MYL11: variants seen among roughly 807,000 people sequenced by gnomAD.
The protein encoded by MYL11 is myosin light chain 11, also known as myosin regulatory light chain 11.
At chr16:30,374,755 G>A in the MYL11 span, 2 of 1,465,098 alleles carry the variant, frequency 1.4e-6, no homozygotes, top group Non-Finnish European at 9.2e-7. Context: ...TATGTTAAGG[G>A]CTCCCTGGGG....
At chr16:30,375,821 C>T in the MYL11 span, 1 of 1,613,908 alleles carries the variant, frequency 6.2e-7, no homozygotes, top group African/African-American at 1.3e-5. Context: ...ACCCTCCAGG[C>T]ACCCAAGAGG....
the MYL11 span, among the ~76,000 whole-genome samples, chr16:30,372,621 A>G: frequency 1.3e-5 from 2 of 151,542 alleles, no homozygotes; most frequent in Non-Finnish European, 2.9e-5. Context: ...GCCACTGGCT[A>G]TCAAGGCACC....
the MYL11 span, among the ~76,000 whole-genome samples, chr16:30,372,128 C>T: frequency 2.4e-4 from 36 of 152,164 alleles, no homozygotes; most frequent in African/African-American, 8.7e-4. Context: ...AGCTCTCCTC[C>T]CATTCCCCTT....
the MYL11 span, among the ~76,000 whole-genome samples, chr16:30,373,633 G>T: frequency 4.0e-5 from 6 of 151,540 alleles, no homozygotes; most frequent in Admixed American, 6.6e-5. Flanking sequence ...ATGGTGGCGG[G>T]TGCCTGGAAT....
At chr16:30,377,700 G>A in the MYL11 span, 2 of 1,568,606 alleles carry the variant, frequency 1.3e-6, no homozygotes, top group East Asian at 2.3e-5. Context: ...CTCCCAGGAG[G>A]AGGTGAGTGG....
chr16:30,376,234 C>A, the MYL11 span: 1 of 1,612,838 alleles, frequency 6.2e-7, no homozygotes, highest in African/African-American at 1.3e-5. Context: ...AGCCCCCTAC[C>A]CCCAGGTGGG....
chr16:30,377,820 C>G, the MYL11 span: 1 of 1,614,110 alleles, frequency 6.2e-7, no homozygotes, highest in Non-Finnish European at 8.5e-7. Flanking sequence ...GGCGGCCTTC[C>G]CCCCCGACGT....
At chr16:30,374,830 G>T in the MYL11 span, 6 of 1,612,830 alleles carry the variant, frequency 3.7e-6, no homozygotes, top group Non-Finnish European at 5.1e-6. Context: ...AGCCGGAGCC[G>T]CTGCCTTGCC....
At chr16:30,376,544 G>C in the MYL11 span, 1 of 1,613,920 alleles carries the variant, frequency 6.2e-7, no homozygotes, top group Non-Finnish European at 8.5e-7. Context: ...GGAGTGTCCT[G>C]GGTCCAAGGC....
chr16:30,375,731 ACTCGAAGAATT>A, the MYL11 span: 1 of 1,085,352 alleles, frequency 9.2e-7, no homozygotes, highest in Non-Finnish European at 1.4e-6. Context: ...AGGAACAGGG[ACTCGAAGAATT>A]CTGACTCTTA....
chr16:30,374,314 A>T, the MYL11 span, among the ~76,000 whole-genome samples: 2 of 134,552 alleles, frequency 1.5e-5, no homozygotes, highest in African/African-American at 2.8e-5. Flanking sequence ...GAGACTGTCT[A>T]AAAAAAAAAA....
the MYL11 span, chr16:30,374,991 T>C: frequency 8.1e-7 from 1 of 1,235,562 alleles, no homozygotes. Context: ...TCGGCATCAC[T>C]GATGGAAAAC....
At chr16:30,376,676 A>G in the MYL11 span, 1 of 1,613,988 alleles carries the variant, frequency 6.2e-7, no homozygotes, top group South Asian at 1.1e-5. Context: ...CCCTGAGGGA[A>G]AGGGCACCAT....
At chr16:30,376,658 G>A in the MYL11 span, 1 of 1,614,072 alleles carries the variant, frequency 6.2e-7, no homozygotes, top group Non-Finnish European at 8.5e-7. Flanking sequence ...AGCCTTCAAG[G>A]TCTTGGACCC....
the MYL11 span, chr16:30,376,646 G>C: frequency 1.9e-6 from 3 of 1,613,916 alleles, no homozygotes; most frequent in Non-Finnish European, 1.7e-6. Context: ...TGTGATCACC[G>C]GAGCCTTCAA....
the MYL11 span, chr16:30,377,457 G>A: frequency 4.0e-6 from 2 of 495,240 alleles, no homozygotes; most frequent in Non-Finnish European, 6.9e-6. Context: ...TAAGATTGTG[G>A]TAATGGGCGG....
At chr16:30,376,650 C>A in the MYL11 span, 4 of 1,614,142 alleles carry the variant, frequency 2.5e-6, no homozygotes, top group Non-Finnish European at 3.4e-6. Flanking sequence ...ATCACCGGAG[C>A]CTTCAAGGTC....
the MYL11 span, among the ~76,000 whole-genome samples, chr16:30,372,102 T>C: frequency 6.6e-6 from 1 of 152,182 alleles, no homozygotes; most frequent in Admixed American, 6.5e-5. Flanking sequence ...ATCTCCCGTT[T>C]GACCCAAGCT....
the MYL11 span, among the ~76,000 whole-genome samples, chr16:30,375,459 T>C: frequency 3.5e-4 from 48 of 137,310 alleles, no homozygotes; most frequent in Non-Finnish European, 6.2e-4. Context: ...AGCAAGACTC[T>C]GTCTCAAAAA....
Sources: allele counts gnomAD v4.1 joint callset (sites outside exome capture counted in the v4.1 genomes callset), GRCh38; gene constraint gnomAD v4.1.1; transcripts MANE v1.5; gene names NCBI Gene and HGNC (gene_info 2026-07-23, HGNC 2026-07-21).